Variants in SV2C observed in about 807,000 individuals in gnomAD.
The protein encoded by SV2C is solute carrier family 22 member B3.
In SV2C, 49 loss-of-function variants were observed where a neutral mutation model predicts 79.7. The ratio of observed to expected loss-of-function variants is 0.61; its 90% CI spans 0.49 to 0.78. SV2C has a LOEUF of 0.78. Ranked by LOEUF, SV2C falls within the 30% of genes least tolerant of loss-of-function variation. The pLI, the probability that SV2C is intolerant of heterozygous loss-of-function variation, is 0.00. For synonymous variants in SV2C, 334 were observed against 333.2 expected, an observed-to-expected ratio of 1.00 and a Z score of -0.03; for missense variants, 833 against 912.9, an observed-to-expected ratio of 0.91 and a Z score of 1.13.
chr5:75,864,664 C>G, the SV2C span, among the ~76,000 whole-genome samples: 4 of 152,172 alleles, frequency 2.6e-5, no homozygotes, highest in Admixed American at 2.0e-4. Flanking sequence ...CTTCTCCATG[C>G]ATGGAGATAC....
chr5:75,960,850 G>A, the SV2C span, among the ~76,000 whole-genome samples: 1 of 151,938 alleles, frequency 6.6e-6, no homozygotes, highest in Non-Finnish European at 1.5e-5. Context: ...CAGACTGTTT[G>A]TATTAGATAT....
chr5:76,215,918 C>T (rs1337234117), intron 4 of SV2C, among the ~76,000 whole-genome samples: 4 of 151,936 alleles, frequency 2.6e-5, no homozygotes, highest in African/African-American at 7.3e-5. Flanking sequence ...TAGGGCAGAG[C>T]AGTCAGTTCA....
intron 2 of SV2C, among the ~76,000 whole-genome samples, chr5:76,157,778 T>C (rs1742777407): frequency 6.6e-6 from 1 of 151,846 alleles, no homozygotes; most frequent in African/African-American, 2.4e-5. Flanking sequence ...TATATATATT[T>C]GTTCTCCTTT....
At chr5:75,858,271 TG>T in the SV2C span, among the ~76,000 whole-genome samples, 1 of 152,216 alleles carries the variant, frequency 6.6e-6, no homozygotes, top group South Asian at 2.1e-4. Flanking sequence ...TGTTGAGGTA[TG>T]TTCCTTCTAT....
chr5:76,283,527 A>G (rs1747258908), intron 4 of SV2C, among the ~76,000 whole-genome samples: 1 of 152,222 alleles, frequency 6.6e-6, no homozygotes, highest in African/African-American at 2.4e-5. Flanking sequence ...AGTTCTTTAT[A>G]TGAAGCTCTG....
In SV2C at chr5:76,312,082, CAA is replaced by C. The variant is rs1234860973; in HGVS notation, c.2000+10540_2000+10541del. ...TGCTTTGTGAAAGTTGTAAATCTCT[CAA>C]AAGTCATAAATGTAGCTCCCGCGGT... On this transcript the variant is annotated intron_variant, in intron 12 of 12. Transcript: ENST00000502798. Among the ~76,000 whole-genome samples the C allele has an allele frequency of 1.5e-4, 23 of 152,292 alleles. No homozygotes were observed. In the East Asian group the frequency reaches 4.4e-3, roughly 29 times the overall value.
chr5:75,982,711 C>T, the SV2C span, among the ~76,000 whole-genome samples: 1 of 152,162 alleles, frequency 6.6e-6, no homozygotes, highest in Non-Finnish European at 1.5e-5. Flanking sequence ...ATGGAATCAA[C>T]CTAAATGCCC....
At chr5:76,230,854 A>C (rs1205008576) in intron 4 of SV2C, among the ~76,000 whole-genome samples, 1 of 152,176 alleles carries the variant, frequency 6.6e-6, no homozygotes, top group African/African-American at 2.4e-5. Flanking sequence ...GGAATAACAT[A>C]GTCCTGGACT....
chr5:75,985,180 A>G, the SV2C span, among the ~76,000 whole-genome samples: 1 of 151,936 alleles, frequency 6.6e-6, no homozygotes, highest in East Asian at 1.9e-4. Flanking sequence ...GAGAGAAAGA[A>G]ATCCTGGAAG....
intron 8 of SV2C, among the ~76,000 whole-genome samples, chr5:76,292,202 T>C (rs1747589771): frequency 2.0e-5 from 3 of 152,140 alleles, no homozygotes; most frequent in Admixed American, 2.0e-4. Flanking sequence ...TCTCGGGCCT[T>C]TGCGGTGTTC....
Position 76,329,080 on chromosome 5 carries a change from G to A in SV2C, c.*3533G>A, listed in dbSNP as rs1749097227. 1 of 152,144 alleles carries A rather than the reference G, an allele frequency of 6.6e-6. No individual in the cohort carries two copies. Among genetic ancestry groups the A allele is most frequent in the African/African-American group, 2.4e-5 (1 of 41,430 alleles). The allele number at this position is 152,144 out of a possible 1,614,324, so 9.4% of individuals were successfully genotyped here. A position where few individuals can be genotyped will look rare whatever the true frequency, so the allele number is the denominator to read the frequency against. Reference sequence around the variant, plus strand: ...TGGCGGCCTCAACTCATTTTTACAAGCACTAAATAGGTTTAGTTTATAAAC... The same window carrying A: ...TGGCGGCCTCAACTCATTTTTACAAACACTAAATAGGTTTAGTTTATAAAC... On this transcript the variant is annotated 3_prime_UTR_variant, in exon 13 of 13. Coordinates refer to ENST00000502798, the MANE Select transcript of SV2C (RefSeq NM_014979.4).
intron 4 of SV2C, among the ~76,000 whole-genome samples, chr5:76,241,775 G>A (rs1745792468): frequency 1.3e-5 from 2 of 152,096 alleles, no homozygotes; most frequent in Admixed American, 1.3e-4. Flanking sequence ...GAAGCCAAGA[G>A]GAAGTCTCTC....
At chr5:76,060,098 C>G in the SV2C span, among the ~76,000 whole-genome samples, 1 of 152,152 alleles carries the variant, frequency 6.6e-6, no homozygotes, top group Non-Finnish European at 1.5e-5. Context: ...TGTGCTGTCG[C>G]TCAGGCGTTC....
At chr5:75,913,143 A>G in the SV2C span, among the ~76,000 whole-genome samples, 1 of 152,184 alleles carries the variant, frequency 6.6e-6, no homozygotes, top group East Asian at 1.9e-4. Flanking sequence ...AATCTAGTCC[A>G]AATGATAGTG....
chr5:76,056,817 G>A, the SV2C span, among the ~76,000 whole-genome samples: 1 of 151,782 alleles, frequency 6.6e-6, no homozygotes, highest in African/African-American at 2.4e-5. Flanking sequence ...AATATTCTCT[G>A]ATGGAAGTTT....
chr5:75,970,500 C>A, the SV2C span, among the ~76,000 whole-genome samples: 1 of 151,802 alleles, frequency 6.6e-6, no homozygotes, highest in Non-Finnish European at 1.5e-5. Flanking sequence ...ATATCACCAC[C>A]GATCCCACAG....
At chr5:76,159,957 G>T (rs182254678) in intron 2 of SV2C, among the ~76,000 whole-genome samples, 344 of 151,740 alleles carry the variant, frequency 2.3e-3, no homozygotes, top group Non-Finnish European at 3.5e-3. Flanking sequence ...TGATATTAAG[G>T]AAATAATTCC....
intron 4 of SV2C, among the ~76,000 whole-genome samples, chr5:76,271,427 T>C (rs1269587240): frequency 6.6e-6 from 1 of 152,114 alleles, no homozygotes; most frequent in Non-Finnish European, 1.5e-5. Flanking sequence ...AAAAAATCAG[T>C]GAGTGTATAG....
chr5:75,913,617 T>G, the SV2C span, among the ~76,000 whole-genome samples: 1 of 152,170 alleles, frequency 6.6e-6, no homozygotes, highest in South Asian at 2.1e-4. Context: ...CCAGACCACA[T>G]CTTGGGATAG....
Sources: gnomAD v4.1 joint callset for allele counts (sites outside exome capture counted in the v4.1 genomes callset) on GRCh38, gnomAD v4.1.1 for gene constraint, MANE v1.5 for transcripts, NCBI Gene and HGNC (gene_info 2026-07-23, HGNC 2026-07-21) for gene names.